The following ZDHHC15 variants were observed in gnomAD, a reference collection of about 807,000 sequenced individuals.
The protein encoded by ZDHHC15 is palmitoyltransferase ZDHHC15.
ZDHHC15 carries 19 observed loss-of-function variants against 31.7 expected under a neutral mutation model. The ratio of observed to expected loss-of-function variants is 0.60; its 90% CI spans 0.42 to 0.88. The LOEUF (loss-of-function observed/expected upper bound fraction) is 0.88. Among genes scored for constraint, ZDHHC15 ranks in the 40% least tolerant of loss-of-function variants. The pLI, the probability that ZDHHC15 is intolerant of heterozygous loss-of-function variation, is 0.00. For missense variants in ZDHHC15, 209 were observed against 251.2 expected, an observed-to-expected ratio of 0.83 and a Z score of 1.14; for synonymous variants, 103 against 90.0, an observed-to-expected ratio of 1.14 and a Z score of -0.82.
At chrX:75,388,871 A>G (rs2147773441) in intron 10 of ZDHHC15, among the ~76,000 whole-genome samples, 1 of 112,304 alleles carries the variant, frequency 8.9e-6, no homozygotes, top group East Asian at 2.8e-4. Context: ...ACTTACACAA[A>G]AAGCACCTTC....
chrX:75,477,979 T>G (rs2084632664), intron 3 of ZDHHC15, among the ~76,000 whole-genome samples: 1 of 111,575 alleles, frequency 9.0e-6, no homozygotes, highest in Non-Finnish European at 1.9e-5. Context: ...TTATTTTTCT[T>G]GTGCACCATT....
intron 7 of ZDHHC15, among the ~76,000 whole-genome samples, chrX:75,427,042 T>G (rs1374372080): frequency 8.9e-6 from 1 of 112,207 alleles, no homozygotes. Flanking sequence ...AAGGTTGCTA[T>G]TGATAGGAGC....
chrX:75,431,377 G>A (rs2083778139), intron 5 of ZDHHC15, 74 bp downstream of exon 5: 1 of 993,220 alleles, frequency 1.0e-6, no homozygotes, highest in Non-Finnish European at 1.4e-6. Flanking sequence ...TTACATGTTA[G>A]GATCAGTCAT....
chrX:75,441,347 G>A (rs2083937616), intron 4 of ZDHHC15, among the ~76,000 whole-genome samples: 1 of 111,721 alleles, frequency 9.0e-6, no homozygotes, highest in African/African-American at 3.2e-5. Flanking sequence ...GACCGTGAGT[G>A]CCTACAGGGT....
At chrX:75,392,779 A>T (rs748730667) in intron 10 of ZDHHC15, among the ~76,000 whole-genome samples, 16 of 111,476 alleles carry the variant, frequency 1.4e-4, no homozygotes, top group African/African-American at 2.3e-4. Context: ...AGGCATAAAC[A>T]TTTTTTTTAA....
intron 2 of ZDHHC15, among the ~76,000 whole-genome samples, chrX:75,489,880 C>G (rs1231740296): frequency 8.9e-6 from 1 of 111,749 alleles, no homozygotes; most frequent in Non-Finnish European, 1.9e-5. Context: ...ATAACCAATG[C>G]AGAGAAGTCC....
At chrX:75,381,025 C>T (rs1295149531) in intron 10 of ZDHHC15, among the ~76,000 whole-genome samples, 1 of 111,451 alleles carries the variant, frequency 9.0e-6, no homozygotes, top group African/African-American at 3.3e-5. Context: ...GAGCAAATGA[C>T]ACAGTGGAGT....
At chrX:75,449,656 T>C (rs780998606) in intron 4 of ZDHHC15, among the ~76,000 whole-genome samples, 12 of 112,027 alleles carry the variant, frequency 1.1e-4, no homozygotes, top group Non-Finnish European at 1.5e-4. Context: ...ACCAAGAACA[T>C]AGTAAAATTT....
chrX:75,454,963 A>G (rs1338147441), intron 3 of ZDHHC15, among the ~76,000 whole-genome samples: 3 of 111,350 alleles, frequency 2.7e-5, no homozygotes, highest in Non-Finnish European at 5.6e-5. Context: ...TATAGATTCA[A>G]TGTCATCCCC....
chrX:75,516,038 G>T (rs1339191126), intron 1 of ZDHHC15, among the ~76,000 whole-genome samples: 1 of 111,368 alleles, frequency 9.0e-6, no homozygotes, highest in Non-Finnish European at 1.9e-5. Flanking sequence ...GGATGTGAAG[G>T]ACCTCTTCAA....
chrX:75,496,978 A>G (rs1208475526), intron 2 of ZDHHC15, among the ~76,000 whole-genome samples: 1 of 111,913 alleles, frequency 8.9e-6, no homozygotes, highest in African/African-American at 3.2e-5. Flanking sequence ...GTGGAAAAAA[A>G]AAGTAACAAA....
chrX:75,379,163 T>G lies in ZDHHC15; in HGVS notation c.1003A>C (p.Thr335Pro). ...AAATGTGAAAACTGCTATGTTTCCG[T>G]TTCCACAGCAAGAGATGATGAGCCT... ...PEGSSSLAVE[T>P]ET Residue 335 changes from threonine (T) to proline (P), a missense_variant, in exon 11 of 12, where the codon ACG becomes CCG. By Grantham distance (38) the Thr-to-Pro change is conservative (BLOSUM62 -1). Transcript: ENST00000373367. The G allele has an allele frequency of 1.7e-6, 2 of 1,211,434 alleles. No homozygotes were observed. The highest frequency in any genetic ancestry group is 2.2e-6 in the Non-Finnish European group (2 of 895,241).
chrX:75,515,661 T>TTTTCAAAGG (rs1420240634), intron 1 of ZDHHC15, among the ~76,000 whole-genome samples: 13 of 111,955 alleles, frequency 1.2e-4, no homozygotes, highest in African/African-American at 3.9e-4. Context: ...GCATTCCCTT[T>TTTTCAAAGG]GAAAACTGGC....
At position 75,378,902 on chromosome X, in the gene ZDHHC15, A is replaced by G. The variant is rs148355858; in HGVS notation, c.*32+218T>C. 5.4e-3 allele frequency among the ~76,000 whole-genome samples: 605 copies of G among 111,646 alleles called. 2 individuals carry two copies. The highest frequency in any genetic ancestry group is 0.019 in the African/African-American group (582 of 30,752). On this transcript the variant is annotated intron_variant, in intron 11 of 11. Transcript: ENST00000373367. ...CGGAGTTTTTTTCAGCACAAGTGAC[A>G]TAAGTGTGAGTTTGCAGGGAATAAG...
At chrX:75,471,957 C>T (rs1438870689) in intron 3 of ZDHHC15, among the ~76,000 whole-genome samples, 1 of 111,804 alleles carries the variant, frequency 8.9e-6, no homozygotes, top group Non-Finnish European at 1.9e-5. Flanking sequence ...GGAAACTGAA[C>T]GATTGACTAT....
chrX:75,429,596 C>T (rs972535593), intron 6 of ZDHHC15, among the ~76,000 whole-genome samples: 6 of 111,612 alleles, frequency 5.4e-5, no homozygotes, highest in Non-Finnish European at 9.4e-5. Context: ...TGGAAAATTG[C>T]TGAATTTAAC....
At chrX:75,455,968 A>T (rs2147924229) in intron 3 of ZDHHC15, among the ~76,000 whole-genome samples, 1 of 111,661 alleles carries the variant, frequency 9.0e-6, no homozygotes, top group South Asian at 3.8e-4. Context: ...ATCTAGAATT[A>T]GAAATAGCAT....
chrX:75,380,294 A>G (rs2083100615), intron 10 of ZDHHC15, among the ~76,000 whole-genome samples: 1 of 112,338 alleles, frequency 8.9e-6, no homozygotes, highest in South Asian at 3.7e-4. Context: ...CAGTTCTGAA[A>G]GTGCAATAAA....
rs1445894344 is a variant in ZDHHC15, at chrX:75,429,940, A to C, written c.482+8T>G. ...TTTAGAGGAGAGAAATGAATCAAAC[A>C]GACATACCAAGGGCAGTGATGATCC... On this transcript the variant is annotated splice_region_variant and intron_variant, in intron 6 of 11. Coordinates refer to ENST00000373367, the MANE Select transcript of ZDHHC15 (RefSeq NM_144969.3). 2.5e-6 allele frequency: 3 copies of C among 1,209,146 alleles called. No individual in the cohort carries two copies. Among genetic ancestry groups the C allele is most frequent in the Admixed American group, 2.2e-5 (1 of 45,780 alleles).
Sources: gnomAD v4.1 joint callset for allele counts (sites outside exome capture counted in the v4.1 genomes callset) on GRCh38, gnomAD v4.1.1 for gene constraint, MANE v1.5 for transcripts, NCBI Gene and HGNC (gene_info 2026-07-23, HGNC 2026-07-21) for gene names.